The following RAB38 variants were observed in gnomAD, a reference collection of about 807,000 sequenced individuals.
RAB38 encodes RAB38, member RAS oncogene family.
In RAB38, 15 loss-of-function variants were observed where a neutral mutation model predicts 18.4. The ratio of observed to expected loss-of-function variants is 0.82; its 90% confidence interval spans 0.55 to 1.26. The LOEUF (loss-of-function observed/expected upper bound fraction) is 1.26. Among genes scored for constraint, RAB38 ranks in the 50% most tolerant of loss-of-function variants. RAB38 has a pLI of 0.00. For missense variants in RAB38, 294 were observed against 267.4 expected (o/e 1.10, Z -0.69); for synonymous variants, 101 against 104.4 (o/e 0.97, Z 0.20).
chr11:87,924,354 A>T, the RAB38 span, among the ~76,000 whole-genome samples: 1 of 152,042 alleles, frequency 6.6e-6, no homozygotes, highest in African/African-American at 2.4e-5. Context: ...TGATACAAAG[A>T]CAAACAAGAC....
the RAB38 span, among the ~76,000 whole-genome samples, chr11:88,005,554 C>T: frequency 0.076 from 11,512 of 150,812 alleles, 535 homozygotes; most frequent in South Asian, 0.15. Context: ...TGTCTCTTTG[C>T]TCTGTTCATT....
At chr11:87,974,209 T>G in the RAB38 span, among the ~76,000 whole-genome samples, 15 of 119,414 alleles carry the variant, frequency 1.3e-4, no homozygotes, top group African/African-American at 5.7e-4. Context: ...CAAGCTGATG[T>G]AAGTATGTTC....
At chr11:87,924,674 TATAACA>T in the RAB38 span, among the ~76,000 whole-genome samples, 1 of 151,948 alleles carries the variant, frequency 6.6e-6, no homozygotes, top group African/African-American at 2.4e-5. Context: ...AGATAACTCT[TATAACA>T]GATCTGTGGG....
chr11:87,935,134 AT>A, the RAB38 span, among the ~76,000 whole-genome samples: 3 of 145,712 alleles, frequency 2.1e-5, no homozygotes, highest in Non-Finnish European at 4.5e-5. Flanking sequence ...ATTTGGAGAA[AT>A]TAAGGGTTGC....
chr11:88,119,262 A>G (rs1942599221), intron 2 of RAB38, among the ~76,000 whole-genome samples: 1 of 152,116 alleles, frequency 6.6e-6, no homozygotes, highest in Admixed American at 6.6e-5. Flanking sequence ...TGGTGATGGG[A>G]TTCATACTCC....
the RAB38 span, among the ~76,000 whole-genome samples, chr11:87,825,025 T>TGAGA: frequency 3.6e-4 from 54 of 150,532 alleles, no homozygotes; most frequent in Non-Finnish European, 6.8e-4. Context: ...TGTGTGTGTG[T>TGAGA]GAGAGAGAGA....
the RAB38 span, among the ~76,000 whole-genome samples, chr11:87,920,193 C>T: frequency 1.1e-4 from 16 of 151,582 alleles, no homozygotes; most frequent in African/African-American, 3.9e-4. Flanking sequence ...ATTTTCAGCT[C>T]AGTTTATTCT....
chr11:88,092,231 C>T, the RAB38 span, among the ~76,000 whole-genome samples: 1 of 151,172 alleles, frequency 6.6e-6, no homozygotes, highest in Non-Finnish European at 1.5e-5. Context: ...TACCTCAGCA[C>T]CAGAATGTGC....
At chr11:87,893,386 A>ATGTG in the RAB38 span, among the ~76,000 whole-genome samples, 6,716 of 92,486 alleles carry the variant, frequency 0.073, 414 homozygotes, top group African/African-American at 0.18. Context: ...ATATATATAT[A>ATGTG]TATATTTTTT....
intron 2 of RAB38, among the ~76,000 whole-genome samples, chr11:88,140,250 G>A (rs1236161380): frequency 6.6e-6 from 1 of 152,164 alleles, no homozygotes; most frequent in Non-Finnish European, 1.5e-5. Context: ...CTCCTGTGCA[G>A]TTTCTAAAGA....
chr11:88,110,069 G>T (rs528215719), downstream of RAB38, among the ~76,000 whole-genome samples: 1 of 152,130 alleles, frequency 6.6e-6, no homozygotes, highest in South Asian at 2.1e-4. Context: ...ATATCCACAC[G>T]TATGTTTATT....
At chr11:87,843,883 T>A in the RAB38 span, among the ~76,000 whole-genome samples, 1 of 152,324 alleles carries the variant, frequency 6.6e-6, no homozygotes, top group East Asian at 1.9e-4. Flanking sequence ...TCGTGAAATG[T>A]TCAATTTGTT....
the RAB38 span, among the ~76,000 whole-genome samples, chr11:88,075,547 G>A: frequency 1.3e-5 from 2 of 152,168 alleles, no homozygotes; most frequent in Non-Finnish European, 2.9e-5. Context: ...GTAGTACTAA[G>A]AGGGACATTT....
At chr11:88,112,989 A>G (rs1420875812), downstream of RAB38, among the ~76,000 whole-genome samples, 1 of 152,094 alleles carries the variant, frequency 6.6e-6, no homozygotes, top group Non-Finnish European at 1.5e-5. Context: ...ATCAGAATCT[A>G]TGAGGACATA....
At chr11:87,905,381 T>C in the RAB38 span, among the ~76,000 whole-genome samples, 1 of 148,184 alleles carries the variant, frequency 6.7e-6, no homozygotes, top group African/African-American at 2.6e-5. Flanking sequence ...CTCATACTTA[T>C]AGGGCATATA....
chr11:88,080,299 G>A, the RAB38 span, among the ~76,000 whole-genome samples: 279 of 151,810 alleles, frequency 1.8e-3, no homozygotes, highest in African/African-American at 6.5e-3. Flanking sequence ...TTACAACGAT[G>A]TAAAAAGTAA....
chr11:87,805,321 C>T, the RAB38 span, among the ~76,000 whole-genome samples: 1 of 152,088 alleles, frequency 6.6e-6, no homozygotes, highest in African/African-American at 2.4e-5. Context: ...TGCATATACA[C>T]ATATTCACAG....
the RAB38 span, among the ~76,000 whole-genome samples, chr11:87,819,318 T>C: frequency 6.6e-6 from 1 of 152,194 alleles, no homozygotes; most frequent in South Asian, 2.1e-4. Flanking sequence ...AAATTCTCCA[T>C]ATGGTTCACT....
rs77787234 is a variant in RAB38, at chr11:88,158,309, T to C, written c.203-8354A>G. On this transcript the variant is annotated intron_variant, in intron 1 of 2. Transcript: ENST00000243662. ...ATAAAGAAACCTACCAACCAAAAAG[T>C]TGCAGGCCAGATGGATTCACAGCCA... 5.7e-3 allele frequency among the ~76,000 whole-genome samples: 872 copies of C among 152,076 alleles called. 4 individuals carry two copies. The highest frequency in any genetic ancestry group is 0.02 in the African/African-American group (836 of 41,530).
Sources: gnomAD v4.1 joint callset for allele counts (sites outside exome capture counted in the v4.1 genomes callset) on GRCh38, gnomAD v4.1.1 for gene constraint, MANE v1.5 for transcripts, NCBI Gene and HGNC (gene_info 2026-07-23, HGNC 2026-07-21) for gene names.